Variants in DOCK3 observed in about 807,000 individuals in gnomAD.
DOCK3 encodes the protein dedicator of cytokinesis protein 3.
In DOCK3, 60 loss-of-function variants were observed where a neutral mutation model predicts 265.6. The ratio of observed to expected loss-of-function variants is 0.23; its 90% CI spans 0.18 to 0.28. DOCK3 has a LOEUF of 0.28. Among genes scored for constraint, DOCK3 ranks in the 10% least tolerant of loss-of-function variants. The pLI is 1.00. For missense variants in DOCK3, 1,981 were observed against 2,594.3 expected (o/e 0.76, Z 5.14); for synonymous variants, 881 against 938.0 (o/e 0.94, Z 1.11).
At chr3:51,023,574 C>T (rs530268468) in intron 5 of DOCK3, among the ~76,000 whole-genome samples, 2 of 152,172 alleles carry the variant, frequency 1.3e-5, no homozygotes, top group African/African-American at 4.8e-5. Flanking sequence ...CACCACCATG[C>T]CCGGCTAATT....
At chr3:51,154,422 A>G (rs1012916612) in intron 10 of DOCK3, among the ~76,000 whole-genome samples, 1 of 152,214 alleles carries the variant, frequency 6.6e-6, no homozygotes. Context: ...TCAATTGGAA[A>G]AGAATGAAAG....
chr3:51,205,804 G>C (rs1435639862), intron 12 of DOCK3, among the ~76,000 whole-genome samples: 1 of 152,234 alleles, frequency 6.6e-6, no homozygotes, highest in Non-Finnish European at 1.5e-5. Flanking sequence ...ATTGGTAATT[G>C]AAGGTAAATT....
chr3:50,969,412 C>A (rs974063175), intron 5 of DOCK3, among the ~76,000 whole-genome samples: 3 of 151,966 alleles, frequency 2.0e-5, no homozygotes, highest in African/African-American at 7.3e-5. Context: ...TGGTTGGATC[C>A]TGTTTTTAAA....
In DOCK3 at chr3:51,016,917, A is replaced by AAAC. The variant is rs1559946424; in HGVS notation, c.316-47530_316-47529insACA. Among the ~76,000 whole-genome samples, 3 of 111,832 alleles carry AAAC rather than the reference A, an allele frequency of 2.7e-5. 1 individual carries two copies. The highest frequency in any genetic ancestry group is 1.2e-4 in the African/African-American group (3 of 25,986). The allele number at this position is 111,832 out of a possible 152,430, so 73.4% of individuals were successfully genotyped here. A position where few individuals can be genotyped will look rare whatever the true frequency, so the allele number is the denominator to read the frequency against. Reference sequence around the variant, plus strand: ...TATATATGATATATGTTTATATATAAATATATTAATATATACAATATATGT... The same window carrying AAAC: ...TATATATGATATATGTTTATATATAAAACATATATTAATATATACAATATATGT... On this transcript the variant is annotated intron_variant, in intron 5 of 52. Coordinates refer to ENST00000266037, the MANE Select transcript of DOCK3 (RefSeq NM_004947.5).
At chr3:51,019,524 C>A (rs1376388686) in intron 5 of DOCK3, among the ~76,000 whole-genome samples, 2 of 151,790 alleles carry the variant, frequency 1.3e-5, no homozygotes, top group South Asian at 2.1e-4. Context: ...AGGTTTGTTA[C>A]ATAAACGTGT....
intron 3 of DOCK3, among the ~76,000 whole-genome samples, chr3:50,879,092 A>G (rs2047881658): frequency 6.6e-6 from 1 of 152,228 alleles, no homozygotes; most frequent in Non-Finnish European, 1.5e-5. Flanking sequence ...AGATTTTGTC[A>G]CCACCAGGCC....
intron 5 of DOCK3, among the ~76,000 whole-genome samples, chr3:50,960,914 A>G (rs2076868299): frequency 6.6e-6 from 1 of 152,186 alleles, no homozygotes; most frequent in East Asian, 1.9e-4. Flanking sequence ...TTGTTCCACC[A>G]TCATTTGTTG....
intron 2 of DOCK3, among the ~76,000 whole-genome samples, chr3:50,836,749 A>T (rs1016358212): frequency 6.6e-6 from 1 of 152,116 alleles, no homozygotes; most frequent in African/African-American, 2.4e-5. Context: ...CTCCCCAGAA[A>T]ATGGGTTTTT....
At chr3:50,811,060 A>G (rs188549212) in intron 2 of DOCK3, among the ~76,000 whole-genome samples, 1 of 152,336 alleles carries the variant, frequency 6.6e-6, no homozygotes, top group Non-Finnish European at 1.5e-5. Flanking sequence ...AAGATAAGCA[A>G]TCAGAATATA....
chr3:50,928,645 T>G (rs775148030), intron 4 of DOCK3, among the ~76,000 whole-genome samples: 4 of 152,244 alleles, frequency 2.6e-5, no homozygotes, highest in Non-Finnish European at 5.9e-5. Context: ...TGCTTGGTTT[T>G]GTTTCATACT....
Position 51,237,486 on chromosome 3 carries a change from C to G in DOCK3, c.2002-4C>G. ...CCTGATGGCTTACTCTCCATATCTC[C>G]CAGGTGTTCATCATCAACCTGCTCC... On this transcript the variant is annotated splice_region_variant and splice_polypyrimidine_tract_variant and intron_variant, in intron 20 of 52. Coordinates refer to ENST00000266037, the MANE Select transcript of DOCK3 (RefSeq NM_004947.5). 6 of 1,612,690 alleles carry G rather than the reference C, an allele frequency of 3.7e-6. No homozygotes were observed. Among genetic ancestry groups the G allele is most frequent in the Non-Finnish European group, 5.1e-6 (6 of 1,179,320 alleles).
At chr3:51,041,189 TA>T (rs1559977727) in intron 5 of DOCK3, among the ~76,000 whole-genome samples, 59 of 16,938 alleles carry the variant, frequency 3.5e-3, no homozygotes, top group Non-Finnish European at 5.5e-3. Context: ...TATATATATA[TA>T]TATATATATA....
intron 9 of DOCK3, among the ~76,000 whole-genome samples, chr3:51,141,217 G>A (rs1301502576): frequency 6.8e-6 from 1 of 147,756 alleles, no homozygotes; most frequent in Non-Finnish European, 1.5e-5. Context: ...AATAACAAGT[G>A]GTGCCAATAT....
chr3:51,156,487 G>C (rs1263977109), intron 10 of DOCK3, among the ~76,000 whole-genome samples: 1 of 152,170 alleles, frequency 6.6e-6, no homozygotes, highest in Non-Finnish European at 1.5e-5. Flanking sequence ...AACCACCCTT[G>C]GTGCTTAGTC....
intron 2 of DOCK3, among the ~76,000 whole-genome samples, chr3:50,790,977 T>C (rs1164187546): frequency 6.6e-6 from 1 of 152,114 alleles, no homozygotes; most frequent in Non-Finnish European, 1.5e-5. Context: ...GTTGTTGTTA[T>C]AAATTTGTTT....
chr3:50,743,988 G>C (rs965913817), intron 1 of DOCK3, among the ~76,000 whole-genome samples: 2 of 152,176 alleles, frequency 1.3e-5, no homozygotes, highest in Non-Finnish European at 2.9e-5. Context: ...AGTCCTCGTA[G>C]TGTATGTGAA....
intron 19 of DOCK3, among the ~76,000 whole-genome samples, chr3:51,230,936 T>A (rs1425754452): frequency 1.9e-5 from 1 of 51,388 alleles, no homozygotes; most frequent in African/African-American, 6.8e-5. Flanking sequence ...TTTGGTAGAA[T>A]GATTTTTTTT....
chr3:50,758,240 T>TC (rs1020800633), intron 1 of DOCK3, among the ~76,000 whole-genome samples: 28 of 135,094 alleles, frequency 2.1e-4, no homozygotes, highest in South Asian at 1.2e-3. Flanking sequence ...TTGAAGGTTA[T>TC]CCCCCCCGCC....
At chr3:50,762,519 G>A (rs1425773946) in intron 1 of DOCK3, among the ~76,000 whole-genome samples, 1 of 152,064 alleles carries the variant, frequency 6.6e-6, no homozygotes, top group Non-Finnish European at 1.5e-5. Context: ...GAGAAATGGG[G>A]ATGAATTCTA....
Sources: gnomAD v4.1 joint callset for allele counts (sites outside exome capture counted in the v4.1 genomes callset) on GRCh38, gnomAD v4.1.1 for gene constraint, MANE v1.5 for transcripts, NCBI Gene and HGNC (gene_info 2026-07-23, HGNC 2026-07-21) for gene names.